The following SSH2 variants were observed in gnomAD, a reference collection of about 807,000 sequenced individuals.
SSH2 encodes protein phosphatase Slingshot homolog 2.
A neutral mutation model predicts 135.2 loss-of-function variants in SSH2; 37 were observed. The observed-to-expected ratio is 0.27, with a 90% CI of 0.21 to 0.36. The LOEUF (loss-of-function observed/expected upper bound fraction) is 0.36. Ranked by LOEUF, SSH2 falls within the 10% of genes least tolerant of loss-of-function variation. SSH2 has a pLI of 1.00. For missense variants in SSH2, 1,408 were observed against 1,765.3 expected, an observed-to-expected ratio of 0.80 and a Z score of 3.63; for synonymous variants, 628 against 646.2, an observed-to-expected ratio of 0.97 and a Z score of 0.43.
At chr17:29,701,605 CT>C (rs2038985689) in intron 4 of SSH2, among the ~76,000 whole-genome samples, 1 of 151,190 alleles carries the variant, frequency 6.6e-6, no homozygotes, top group South Asian at 2.1e-4. Flanking sequence ...GAGTCTTGCT[CT>C]GTTGCCCAGG....
At chr17:29,688,007 T>TG (rs1336531629) in intron 5 of SSH2, among the ~76,000 whole-genome samples, 1 of 115,454 alleles carries the variant, frequency 8.7e-6, no homozygotes, top group Admixed American at 9.7e-5. Context: ...CAAACATTAG[T>TG]GTTTTTTTTT....
intron 1 of SSH2, among the ~76,000 whole-genome samples, chr17:29,896,453 A>T (rs1432798308): frequency 6.7e-6 from 1 of 149,404 alleles, no homozygotes; most frequent in Non-Finnish European, 1.5e-5. Flanking sequence ...TTTTATAAAA[A>T]TATTGCATAG....
chr17:29,668,433 T>A (rs553511380), intron 9 of SSH2, among the ~76,000 whole-genome samples: 1 of 152,312 alleles, frequency 6.6e-6, no homozygotes, highest in South Asian at 2.1e-4. Flanking sequence ...CAGTCTTCCA[T>A]TAAAAATAAA....
chr17:29,786,979 G>T (rs766680139), intron 3 of SSH2, among the ~76,000 whole-genome samples: 1 of 152,134 alleles, frequency 6.6e-6, no homozygotes, highest in Non-Finnish European at 1.5e-5. Context: ...TTTCTTAATT[G>T]TGGTAAAATA....
chr17:29,673,569 C>CA (rs1230226229), intron 8 of SSH2, among the ~76,000 whole-genome samples: 215 of 104,746 alleles, frequency 2.1e-3, no homozygotes, highest in Admixed American at 2.8e-3. Context: ...GACACAATCT[C>CA]AAAAAAAAAA....
chr17:29,904,021 C>CA (rs537140949), intron 1 of SSH2, among the ~76,000 whole-genome samples: 61 of 149,806 alleles, frequency 4.1e-4, no homozygotes, highest in East Asian at 7.8e-4. Context: ...GCCTACCAAC[C>CA]AAAAAAAAAG....
At chr17:29,830,450 T>A (rs12947463) in intron 2 of SSH2, among the ~76,000 whole-genome samples, 1 of 152,212 alleles carries the variant, frequency 6.6e-6, no homozygotes, top group African/African-American at 2.4e-5. Flanking sequence ...AGGTCCCTGA[T>A]TGCTATATTC....
chr17:29,905,370 A>G (rs2066634326), intron 1 of SSH2, among the ~76,000 whole-genome samples: 1 of 152,220 alleles, frequency 6.6e-6, no homozygotes, highest in Non-Finnish European at 1.5e-5. Context: ...CAACTGCTCC[A>G]GTCAGCCTGC....
chr17:29,791,154 C>T (rs562071303), intron 3 of SSH2, among the ~76,000 whole-genome samples: 6 of 152,232 alleles, frequency 3.9e-5, no homozygotes, highest in Admixed American at 6.5e-5. Context: ...GGCTTGATCT[C>T]GGCTCACTGC....
chr17:29,820,458 G>T (rs1388677123), intron 2 of SSH2, among the ~76,000 whole-genome samples: 3 of 152,156 alleles, frequency 2.0e-5, no homozygotes, highest in East Asian at 3.8e-4. Context: ...AAAACAGATC[G>T]AGTCCTTGCT....
chr17:29,642,580 G>A (rs1435496892), intron 14 of SSH2, among the ~76,000 whole-genome samples: 3 of 144,148 alleles, frequency 2.1e-5, no homozygotes, highest in South Asian at 2.2e-4. Context: ...CCCCCCCACC[G>A]CCTCTTGTTT....
At chr17:29,648,429 G>T in intron 13 of SSH2, 85 bp from the exon 14 acceptor site, 1 of 1,088,056 alleles carries the variant, frequency 9.2e-7, no homozygotes, top group South Asian at 1.7e-5. Context: ...TTTTCCAAGT[G>T]TCCTGTCCTG....
At chr17:29,696,000 T>C (rs972788253) in intron 4 of SSH2, among the ~76,000 whole-genome samples, 1 of 152,112 alleles carries the variant, frequency 6.6e-6, no homozygotes, top group Admixed American at 6.6e-5. Flanking sequence ...TTCGGTTGCA[T>C]TTGACCTAGG....
intron 13 of SSH2, 26 bp from the exon 14 acceptor site, chr17:29,648,370 A>G (rs372463894): frequency 4.7e-5 from 74 of 1,560,582 alleles, no homozygotes; most frequent in Non-Finnish European, 5.7e-5. Context: ...GAGGTAAAGA[A>G]TAGAGGAAAA....
chr17:29,818,004 AAGCAATCTTCCTACTAC>A (rs1488663504), intron 2 of SSH2, among the ~76,000 whole-genome samples: 17 of 152,122 alleles, frequency 1.1e-4, no homozygotes, highest in Admixed American at 2.0e-4. Flanking sequence ...TCCTGGATTC[AAGCAATCTTCCTACTAC>A]AGCCTCCCAA....
chr17:29,780,425 G>A (rs1054043217), intron 3 of SSH2: 1 of 145,050 alleles, frequency 6.9e-6, no homozygotes, highest in African/African-American at 2.6e-5. Flanking sequence ...GTAAGTATGA[G>A]ATTGTTTCAA....
intron 1 of SSH2, among the ~76,000 whole-genome samples, chr17:29,916,792 A>T (rs2066889426): frequency 6.6e-6 from 1 of 152,206 alleles, no homozygotes; most frequent in African/African-American, 2.4e-5. Flanking sequence ...TTAATAGATT[A>T]AGATAATGTA....
intron 1 of SSH2, chr17:29,856,362 A>G (rs1417647316): frequency 4.6e-6 from 1 of 216,898 alleles, no homozygotes; most frequent in South Asian, 6.5e-5. Context: ...TACAGCAACA[A>G]GATACTGTAT....
At chr17:29,761,507 G>C in intron 3 of SSH2, 1 of 884,588 alleles carries the variant, frequency 1.1e-6, no homozygotes, top group Non-Finnish European at 1.4e-6. Flanking sequence ...GGAGAGGGTA[G>C]GCCCGGCCGG....
Sources: gnomAD v4.1 joint callset for allele counts (sites outside exome capture counted in the v4.1 genomes callset) on GRCh38, gnomAD v4.1.1 for gene constraint, MANE v1.5 for transcripts, NCBI Gene and HGNC (gene_info 2026-07-23, HGNC 2026-07-21) for gene names.